Variants in CYP20A1 observed in about 807,000 individuals in gnomAD.
CYP20A1 encodes cytochrome P450 family 20 subfamily A member 1.
CYP20A1 carries 61 observed loss-of-function variants against 61.4 expected under a neutral mutation model. That is an observed-to-expected ratio of 0.99 (90% CI 0.81 to 1.23). The LOEUF is 1.23. Ranked by LOEUF, CYP20A1 falls within the 50% of genes most tolerant of loss-of-function variation. The pLI is 0.00. For missense variants in CYP20A1, 530 were observed against 542.4 expected (o/e 0.98, Z 0.23); for synonymous variants, 193 against 188.2 (o/e 1.03, Z -0.21).
intron 10 of CYP20A1, among the ~76,000 whole-genome samples, chr2:203,290,736 G>T (rs183601434): frequency 6.6e-6 from 1 of 151,998 alleles, no homozygotes; most frequent in Non-Finnish European, 1.5e-5. Flanking sequence ...TCCGCCTCCC[G>T]AGTTCAAGTG....
At chr2:203,291,080 A>C (rs1316260873) in intron 10 of CYP20A1, among the ~76,000 whole-genome samples, 1 of 151,966 alleles carries the variant, frequency 6.6e-6, no homozygotes, top group Non-Finnish European at 1.5e-5. Context: ...ATGTTCAGTT[A>C]TTATTATTTT....
intron 4 of CYP20A1, among the ~76,000 whole-genome samples, chr2:203,253,339 G>C (rs547119737): frequency 1.8e-4 from 27 of 152,282 alleles, no homozygotes; most frequent in African/African-American, 6.3e-4. Context: ...AGTTCTCCCG[G>C]CAGTGCCTGG....
chr2:203,239,214 C>A, intron 1 of CYP20A1, 80 bp downstream of exon 1: 2 of 1,249,260 alleles, frequency 1.6e-6, no homozygotes, highest in Non-Finnish European at 2.3e-6. Flanking sequence ...AACCTGCCCG[C>A]TGCGGGCCGC....
chr2:203,291,237 A>G (rs896283355), intron 10 of CYP20A1, among the ~76,000 whole-genome samples: 1 of 152,014 alleles, frequency 6.6e-6, no homozygotes, highest in Non-Finnish European at 1.5e-5. Flanking sequence ...GAGTCTCACT[A>G]TGTTGTCCAG....
intron 5 of CYP20A1, among the ~76,000 whole-genome samples, chr2:203,270,623 T>G (rs756129535): frequency 2.0e-5 from 3 of 152,084 alleles, no homozygotes; most frequent in Non-Finnish European, 4.4e-5. Flanking sequence ...ACTGTTTTTA[T>G]GTAGCTAAAT....
intron 4 of CYP20A1, among the ~76,000 whole-genome samples, chr2:203,262,469 T>C (rs1480931161): frequency 6.6e-6 from 1 of 152,102 alleles, no homozygotes; most frequent in East Asian, 1.9e-4. Flanking sequence ...ATGAACCAAC[T>C]TTTTTTTCTA....
intron 4 of CYP20A1, among the ~76,000 whole-genome samples, chr2:203,258,097 C>T (rs918845295): frequency 2.0e-5 from 2 of 97,886 alleles, no homozygotes; most frequent in African/African-American, 2.9e-5. Context: ...GAGATGCGGT[C>T]ACACTATATT....
At chr2:203,275,988 G>A (rs1228461331) in intron 6 of CYP20A1, among the ~76,000 whole-genome samples, 6 of 152,164 alleles carry the variant, frequency 3.9e-5, no homozygotes, top group Non-Finnish European at 8.8e-5. Flanking sequence ...GAGTGCCGGG[G>A]GTTGGGAGAT....
At chr2:203,280,162 C>T in intron 8 of CYP20A1, 49 bp downstream of exon 8, 1 of 1,453,158 alleles carries the variant, frequency 6.9e-7, no homozygotes, top group Non-Finnish European at 9.4e-7. Context: ...AATATATAGG[C>T]TGAGCACAGT....
chr2:203,253,847 T>G (rs2066792831), intron 4 of CYP20A1, among the ~76,000 whole-genome samples: 1 of 152,020 alleles, frequency 6.6e-6, no homozygotes, highest in Non-Finnish European at 1.5e-5. Context: ...GGTGGTGGTG[T>G]TTGGAGCCTA....
chr2:203,267,439 C>T (rs2067370456), intron 5 of CYP20A1, among the ~76,000 whole-genome samples: 1 of 151,592 alleles, frequency 6.6e-6, no homozygotes, highest in Admixed American at 6.6e-5. Context: ...GAGGCTGAGG[C>T]ACCAGAATTG....
chr2:203,251,596 C>T (rs2066671404), intron 3 of CYP20A1, among the ~76,000 whole-genome samples: 1 of 150,420 alleles, frequency 6.6e-6, no homozygotes, highest in African/African-American at 2.4e-5. Flanking sequence ...ATGTTGAAAC[C>T]CCGTCTCTAC....
intron 4 of CYP20A1, among the ~76,000 whole-genome samples, chr2:203,265,926 G>A (rs2067305339): frequency 6.6e-6 from 1 of 152,212 alleles, no homozygotes; most frequent in South Asian, 2.1e-4. Context: ...CTGACCTCAG[G>A]TGATCCACCC....
At position 203,305,414 on chromosome 2, in the gene CYP20A1, A is replaced by T. The variant is rs565042917; in HGVS notation, c.*8506A>T. The stretch of plus-strand genomic sequence containing the variant: ...ACAGGATTTCACCATGTTTGCCAGG[A>T]TGGTCTCGATCTCTTGTGCTCATAA... On this transcript the variant is annotated 3_prime_UTR_variant, in exon 13 of 13. Transcript: ENST00000356079. 6 of 151,836 alleles carry T rather than the reference A, an allele frequency of 4.0e-5. No individual in the cohort carries two copies. The East Asian group carries it at 5.8e-4, about 15-fold the overall frequency. The allele number at this position is 151,836 out of a possible 1,614,324, so 9.4% of individuals were successfully genotyped here. A position where few individuals can be genotyped will look rare whatever the true frequency, so the allele number is the denominator to read the frequency against.
chr2:203,287,899 ATT>A (rs1233678232), intron 9 of CYP20A1, among the ~76,000 whole-genome samples: 1 of 148,438 alleles, frequency 6.7e-6, no homozygotes, highest in Admixed American at 6.7e-5. Flanking sequence ...CTCTGTATAG[ATT>A]CTCTTTTCGT....
At chr2:203,256,139 A>G (rs1278483805) in intron 4 of CYP20A1, among the ~76,000 whole-genome samples, 1 of 123,508 alleles carries the variant, frequency 8.1e-6, no homozygotes, top group Non-Finnish European at 1.7e-5. Context: ...AGTTGTTTTT[A>G]AAATTTTTTG....
rs1473411683 is a variant in CYP20A1 at position 203,250,777 on chromosome 2, C to T, written c.290-1190C>T. Among the ~76,000 whole-genome samples the T allele has an allele frequency of 3.3e-5, 5 of 152,118 alleles. No homozygotes were observed. In the East Asian group the frequency reaches 5.8e-4, roughly 18 times the overall value. ...CTCTCTCTCTGTTAAGAAATGATAACAGCTAGGCCGGGTGCGGTGGCTCAC... is the reference window on the plus strand; with the variant it reads ...CTCTCTCTCTGTTAAGAAATGATAATAGCTAGGCCGGGTGCGGTGGCTCAC... On this transcript the variant is annotated intron_variant, in intron 3 of 12. Coordinates refer to ENST00000356079, the MANE Select transcript of CYP20A1 (RefSeq NM_177538.3).
intron 1 of CYP20A1, among the ~76,000 whole-genome samples, chr2:203,243,135 C>A (rs1231565848): frequency 6.6e-6 from 1 of 152,154 alleles, no homozygotes; most frequent in East Asian, 1.9e-4. Context: ...TCACCAATAA[C>A]TGATAATCTC....
At chr2:203,242,067 C>T (rs2066273108) in intron 1 of CYP20A1, among the ~76,000 whole-genome samples, 1 of 152,280 alleles carries the variant, frequency 6.6e-6, no homozygotes, top group South Asian at 2.1e-4. Context: ...GTTTCGAACT[C>T]CTGACCTCAA....
Sources: allele counts gnomAD v4.1 joint callset (sites outside exome capture counted in the v4.1 genomes callset), GRCh38; gene constraint gnomAD v4.1.1; transcripts MANE v1.5; gene names NCBI Gene and HGNC (gene_info 2026-07-23, HGNC 2026-07-21).